IGF1R: variants seen among roughly 807,000 people sequenced by gnomAD.
IGF1R encodes insulin like growth factor 1 receptor.
Under a neutral mutation model 144.6 loss-of-function variants are expected in IGF1R, and 44 were observed. The observed-to-expected ratio is 0.30, with a 90% CI of 0.24 to 0.39. IGF1R has a LOEUF of 0.39. IGF1R is among the 10% of genes least tolerant of loss of function. The pLI, the probability that IGF1R is intolerant of heterozygous loss-of-function variation, is 1.00. For missense variants in IGF1R, 1,355 were observed against 1,833.7 expected (o/e 0.74, Z 4.77); for synonymous variants, 795 against 722.8 (o/e 1.10, Z -1.60).
intron 5 of IGF1R, among the ~76,000 whole-genome samples, chr15:98,901,373 A>G (rs1463804072): frequency 6.6e-6 from 1 of 152,182 alleles, no homozygotes; most frequent in African/African-American, 2.4e-5. Flanking sequence ...TTGGGCTCTT[A>G]AGAATCTTTT....
intron 1 of IGF1R, among the ~76,000 whole-genome samples, chr15:98,690,497 C>T (rs886328797): frequency 6.6e-6 from 1 of 152,216 alleles, no homozygotes; most frequent in Non-Finnish European, 1.5e-5. Flanking sequence ...AGCAAAAATG[C>T]TATTCTTAGC....
At chr15:98,830,603 A>ACCTTTTTTTTTTTTTTTTTTTT (rs949484748) in intron 2 of IGF1R, among the ~76,000 whole-genome samples, 1 of 133,722 alleles carries the variant, frequency 7.5e-6, no homozygotes, top group African/African-American at 3.3e-5. Context: ...TCTGATCATC[A>ACCTTTTTTTTTTTTTTTTTTTT]TCTTTTTTTT....
At chr15:98,920,971 G>A (rs529337243) in intron 10 of IGF1R, among the ~76,000 whole-genome samples, 15 of 152,302 alleles carry the variant, frequency 9.8e-5, no homozygotes, top group East Asian at 9.7e-4. Context: ...GGGCTGTTCC[G>A]TTCCCTGCGT....
At position 98,959,848 on chromosome 15, in the gene IGF1R, TCC is replaced by T; in HGVS notation, c.*2408_*2409del. 6.8e-6 allele frequency: 1 copy of T among 147,128 alleles called. No individual in the cohort carries two copies. Among genetic ancestry groups the T allele is most frequent in the African/African-American group, 3.3e-5 (1 of 30,482 alleles). The allele number at this position is 147,128 out of a possible 1,614,324, so 9.1% of individuals were successfully genotyped here. Reference sequence around the variant, plus strand: ...CTCTAGTCTCTATCCCATAGCGTGTTCCCTTTAAAAAAAAAAAAAAGGTATTA... The same window carrying T: ...CTCTAGTCTCTATCCCATAGCGTGTTCTTTAAAAAAAAAAAAAAGGTATTA... On this transcript the variant is annotated 3_prime_UTR_variant, in exon 21 of 21. Coordinates refer to ENST00000650285, the MANE Select transcript of IGF1R (RefSeq NM_000875.5).
intron 1 of IGF1R, among the ~76,000 whole-genome samples, chr15:98,675,977 C>T (rs955747472): frequency 3.3e-5 from 5 of 151,888 alleles, no homozygotes; most frequent in Non-Finnish European, 1.5e-5. Flanking sequence ...AGGCGTGCGC[C>T]ACCACGCCTG....
At chr15:98,668,527 A>G (rs550862565) in intron 1 of IGF1R, among the ~76,000 whole-genome samples, 10 of 152,314 alleles carry the variant, frequency 6.6e-5, no homozygotes, top group African/African-American at 2.2e-4. Flanking sequence ...GCACCTTCTG[A>G]GCACCCCAGT....
At chr15:98,811,099 G>A (rs906270640) in intron 2 of IGF1R, among the ~76,000 whole-genome samples, 3 of 151,708 alleles carry the variant, frequency 2.0e-5, no homozygotes, top group Admixed American at 6.6e-5. Context: ...TCAGGAGTTC[G>A]AAACCAGCCT....
Position 98,782,028 on chromosome 15 carries a change from G to T in IGF1R, c.640+73921G>T, listed in dbSNP as rs76296743. On this transcript the variant is annotated intron_variant, in intron 2 of 20. Coordinates refer to ENST00000650285, the MANE Select transcript of IGF1R (RefSeq NM_000875.5). ...ATTTTTTTTGAGATGGGGTCTTGCT[G>T]TGTTGCCCTGTCTGCTTGTGAACTC... Among the ~76,000 whole-genome samples, 1,069 of 152,140 alleles carry T rather than the reference G, an allele frequency of 7.0e-3. 30 individuals are homozygous for T. Among genetic ancestry groups the T allele is most frequent in the East Asian group, 0.051 (266 of 5,172 alleles).
At chr15:98,929,432 TACTG>T (rs2015853630) in intron 13 of IGF1R, 122 bp from the exon 14 acceptor site, 5 of 758,108 alleles carry the variant, frequency 6.6e-6, no homozygotes, top group Non-Finnish European at 1.2e-5. Flanking sequence ...CAGGAATTCT[TACTG>T]TATGATGGGG....
chr15:98,835,729 A>T (rs2057088343), intron 2 of IGF1R, among the ~76,000 whole-genome samples: 1 of 152,198 alleles, frequency 6.6e-6, no homozygotes, highest in African/African-American at 2.4e-5. Flanking sequence ...TCTGGGAATA[A>T]TGCTGGTCCC....
intron 1 of IGF1R, among the ~76,000 whole-genome samples, chr15:98,684,189 T>G (rs1477328100): frequency 6.6e-6 from 1 of 152,196 alleles, no homozygotes; most frequent in Non-Finnish European, 1.5e-5. Context: ...AATAAAAGCT[T>G]CTAAGACATA....
chr15:98,933,385 C>T (rs902645284), intron 15 of IGF1R, among the ~76,000 whole-genome samples: 16 of 152,084 alleles, frequency 1.1e-4, no homozygotes, highest in African/African-American at 3.6e-4. Context: ...ACTCTGTTGC[C>T]CAGGCTGGAG....
chr15:98,649,371 GGGCCGCCCCGCGCCGCCC>G lies in IGF1R; in HGVS notation c.-209_-192del. On this transcript the variant is annotated 5_prime_UTR_variant, in exon 1 of 21. Transcript: ENST00000650285. ...CTGGGCCGCTGCTGCCGGCGCTGAG[GGGCCGCCCCGCGCCGCCC>G]GCCCCGTCCGCGCACCCGGAGGGCC... 3.8e-6 allele frequency: 1 copy of G among 263,072 alleles called. No homozygotes were observed. Among genetic ancestry groups the G allele is most frequent in the Non-Finnish European group, 7.0e-6 (1 of 142,482 alleles). The allele number at this position is 263,072 out of a possible 1,614,324, so 16.3% of individuals were successfully genotyped here.
chr15:98,957,369 A>G lies in IGF1R; in HGVS notation c.4031A>G (p.Gln1344Arg), dbSNP rs1389819513. 6.2e-7 allele frequency: 1 copy of G among 1,612,746 alleles called. No homozygotes were observed. Among genetic ancestry groups the G allele is most frequent in the Non-Finnish European group, 8.5e-7 (1 of 1,179,336 alleles). ...LVLRASFDER[Q>R]PYAHMNGGRK... ...CTCCGCGCCAGCTTCGACGAGAGAC[A>G]GCCTTACGCCCACATGAACGGGGGC... is the stretch of plus-strand genomic sequence containing the variant. Residue 1344 changes from glutamine to arginine, a missense_variant, in exon 21 of 21, where the codon CAG becomes CGG. Around this residue, in one of 7 missense-constraint regions of IGF1R, gnomAD observed 219 missense variants for 188.8 expected, o/e 1.16. Transcript: ENST00000650285.
chr15:98,815,207 T>C (rs1365871476), intron 2 of IGF1R, among the ~76,000 whole-genome samples: 1 of 152,254 alleles, frequency 6.6e-6, no homozygotes, highest in Non-Finnish European at 1.5e-5. Flanking sequence ...GTCATTTGGC[T>C]CTTGGGGCAA....
At chr15:98,827,600 T>C (rs1279414445) in intron 2 of IGF1R, among the ~76,000 whole-genome samples, 1 of 152,232 alleles carries the variant, frequency 6.6e-6, no homozygotes, top group Non-Finnish European at 1.5e-5. Flanking sequence ...GCTGATTAAA[T>C]GTGGTCATTT....
chr15:98,651,908 T>C (rs2052377290), intron 1 of IGF1R, among the ~76,000 whole-genome samples: 1 of 152,228 alleles, frequency 6.6e-6, no homozygotes, highest in African/African-American at 2.4e-5. Context: ...AAGCTATGCC[T>C]GTGAACGGGC....
intron 2 of IGF1R, among the ~76,000 whole-genome samples, chr15:98,787,788 T>C (rs976674590): frequency 6.6e-6 from 1 of 152,188 alleles, no homozygotes; most frequent in African/African-American, 2.4e-5. Context: ...AAGGAAAGAA[T>C]TGGAACACTC....
At chr15:98,744,120 G>C (rs1180919234) in intron 2 of IGF1R, among the ~76,000 whole-genome samples, 1 of 152,002 alleles carries the variant, frequency 6.6e-6, no homozygotes, top group Non-Finnish European at 1.5e-5. Flanking sequence ...CTTGGTTTAG[G>C]TGGTCCTGGA....
Sources: gnomAD v4.1 joint callset for allele counts (sites outside exome capture counted in the v4.1 genomes callset) on GRCh38, gnomAD v4.1.1 for gene constraint, gnomAD v4.1.1 regional missense constraint, MANE v1.5 for transcripts, NCBI Gene and HGNC (gene_info 2026-07-23, HGNC 2026-07-21) for gene names.